The following GRM7 variants were observed in gnomAD, a reference collection of about 807,000 sequenced individuals.
GRM7 encodes metabotropic glutamate receptor 7.
GRM7 carries 35 observed loss-of-function variants against 84.5 expected under a neutral mutation model. The ratio of observed to expected loss-of-function variants is 0.41; its 90% confidence interval spans 0.32 to 0.55. The LOEUF (loss-of-function observed/expected upper bound fraction) is 0.55, where lower values mean the gene tolerates loss of function less well. Ranked by LOEUF, GRM7 falls within the 20% of genes least tolerant of loss-of-function variation. GRM7 has a pLI of 0.19. For synonymous variants in GRM7, 487 were observed against 455.1 expected (o/e 1.07, Z -0.89); for missense variants, 1,003 against 1,194.6 (o/e 0.84, Z 2.36).
intron 1 of GRM7, among the ~76,000 whole-genome samples, chr3:6,971,397 T>C (rs1455183404): frequency 6.6e-6 from 1 of 152,174 alleles, no homozygotes; most frequent in East Asian, 1.9e-4. Context: ...TCCCAATTAG[T>C]TGCCTACCTA....
In GRM7 at chr3:7,428,653, A is replaced by C. The variant is rs149927847; in HGVS notation, c.1174+13490A>C. Among the ~76,000 whole-genome samples, 409 of 152,292 alleles carry C rather than the reference A, an allele frequency of 2.7e-3. 3 individuals are homozygous for C. Among genetic ancestry groups the C allele is most frequent in the African/African-American group, 9.0e-3 (374 of 41,578 alleles). On this transcript the variant is annotated intron_variant, in intron 5 of 9. Coordinates refer to ENST00000357716, the MANE Select transcript of GRM7 (RefSeq NM_000844.4). ...GTCCTTAACAGCCACACAGTCAGAC[A>C]TAAGGTGTCCAATAACTACTTGTCC...
intron 7 of GRM7, among the ~76,000 whole-genome samples, chr3:7,538,353 C>A (rs1692670858): frequency 6.6e-6 from 1 of 152,168 alleles, no homozygotes; most frequent in Admixed American, 6.5e-5. Flanking sequence ...CTCAGGTGAT[C>A]TGCACGCCTC....
At chr3:7,112,187 T>C (rs2125035357) in intron 1 of GRM7, among the ~76,000 whole-genome samples, 2 of 151,976 alleles carry the variant, frequency 1.3e-5, no homozygotes, top group South Asian at 4.2e-4. Context: ...AGAGGGTATG[T>C]TTTTCCTTAA....
chr3:6,987,776 A>C (rs1020609834), intron 1 of GRM7, among the ~76,000 whole-genome samples: 1 of 152,160 alleles, frequency 6.6e-6, no homozygotes, highest in African/African-American at 2.4e-5. Context: ...TGGAGTATTG[A>C]GGACCAAGAT....
chr3:7,652,966 C>T (rs1272125464), intron 8 of GRM7, among the ~76,000 whole-genome samples: 1 of 152,054 alleles, frequency 6.6e-6, no homozygotes, highest in Non-Finnish European at 1.5e-5. Flanking sequence ...CTGAACTCAC[C>T]ATCCCTGTTG....
At chr3:7,050,509 C>T (rs1682756618) in intron 1 of GRM7, among the ~76,000 whole-genome samples, 1 of 151,840 alleles carries the variant, frequency 6.6e-6, no homozygotes, top group South Asian at 2.1e-4. Context: ...GGTTACTTCT[C>T]TTAATGTAAA....
At chr3:7,494,103 A>G (rs992780466) in intron 7 of GRM7, among the ~76,000 whole-genome samples, 1 of 152,078 alleles carries the variant, frequency 6.6e-6, no homozygotes, top group Non-Finnish European at 1.5e-5. Context: ...TTATTTCCTG[A>G]TGCTCCAAGA....
At chr3:7,584,909 G>A (rs2139185) in intron 8 of GRM7, among the ~76,000 whole-genome samples, 151,038 of 152,356 alleles carry the variant, frequency 0.99, 74,870 homozygotes, top group East Asian at 1. Flanking sequence ...ACAACAACTA[G>A]GCAAAGAAAG....
At chr3:7,478,579 A>C (rs1331804476) in intron 7 of GRM7, among the ~76,000 whole-genome samples, 1 of 152,184 alleles carries the variant, frequency 6.6e-6, no homozygotes, top group East Asian at 1.9e-4. Context: ...ATCAATGAGT[A>C]TGGTCAACAG....
At chr3:7,218,338 T>A (rs1030107566) in intron 2 of GRM7, among the ~76,000 whole-genome samples, 10 of 152,278 alleles carry the variant, frequency 6.6e-5, no homozygotes, top group African/African-American at 2.2e-4. Flanking sequence ...TGCCTTAATT[T>A]ATAGTACCTT....
intron 7 of GRM7, among the ~76,000 whole-genome samples, chr3:7,494,685 CCTCT>C (rs1699637661): frequency 6.6e-6 from 1 of 152,082 alleles, no homozygotes; most frequent in Non-Finnish European, 1.5e-5. Context: ...TCTGATGTGT[CCTCT>C]ACTTTACAGA....
intron 1 of GRM7, among the ~76,000 whole-genome samples, chr3:6,915,393 C>T (rs1408119341): frequency 6.6e-6 from 1 of 152,064 alleles, no homozygotes; most frequent in Admixed American, 6.6e-5. Flanking sequence ...CTTTTAAAAT[C>T]TCATGTATAA....
At chr3:7,645,654 A>G (rs961031856) in intron 8 of GRM7, among the ~76,000 whole-genome samples, 7 of 152,074 alleles carry the variant, frequency 4.6e-5, no homozygotes, top group African/African-American at 1.4e-4. Context: ...CCACAGAGTC[A>G]TAAGACAGAA....
intron 1 of GRM7, among the ~76,000 whole-genome samples, chr3:6,886,223 T>A (rs1158195928): frequency 6.6e-6 from 1 of 152,080 alleles, no homozygotes; most frequent in African/African-American, 2.4e-5. Flanking sequence ...ATCTGAAGGG[T>A]ACTACATTGT....
intron 1 of GRM7, among the ~76,000 whole-genome samples, chr3:7,133,542 A>T (rs1018222850): frequency 2.0e-5 from 3 of 152,208 alleles, no homozygotes; most frequent in Admixed American, 2.0e-4. Context: ...AAGTTTGAGA[A>T]ATCCTGCTCT....
intron 7 of GRM7, among the ~76,000 whole-genome samples, chr3:7,569,272 C>T (rs1694517816): frequency 6.6e-6 from 1 of 152,058 alleles, no homozygotes; most frequent in Non-Finnish European, 1.5e-5. Flanking sequence ...GGATTGTAAA[C>T]ACACCAATCA....
chr3:6,971,277 A>T (rs1693751278), intron 1 of GRM7, among the ~76,000 whole-genome samples: 1 of 152,208 alleles, frequency 6.6e-6, no homozygotes, highest in East Asian at 1.9e-4. Context: ...CTACCAATAA[A>T]AGTCAACAAC....
chr3:7,062,009 C>T (rs544760110), intron 1 of GRM7, among the ~76,000 whole-genome samples: 292 of 151,802 alleles, frequency 1.9e-3, no homozygotes, highest in African/African-American at 6.7e-3. Flanking sequence ...GCTTGTGTTT[C>T]ACCAGGAGAA....
chr3:7,611,771 C>T (rs184719481), intron 8 of GRM7, among the ~76,000 whole-genome samples: 68 of 152,162 alleles, frequency 4.5e-4, no homozygotes, highest in Middle Eastern at 3.4e-3. Flanking sequence ...TTAGCAAGAT[C>T]CCAGGTGACC....
Sources: allele counts gnomAD v4.1 joint callset (sites outside exome capture counted in the v4.1 genomes callset), GRCh38; gene constraint gnomAD v4.1.1; transcripts MANE v1.5; gene names NCBI Gene and HGNC (gene_info 2026-07-23, HGNC 2026-07-21).